The following CDH17 variants were observed in gnomAD, a reference collection of about 807,000 sequenced individuals.
CDH17 encodes cadherin-17.
CDH17 carries 67 observed loss-of-function variants against 86.3 expected under a neutral mutation model. The ratio of observed to expected loss-of-function variants is 0.78; its 90% confidence interval spans 0.64 to 0.95. The LOEUF is 0.95. CDH17 is among the 40% of genes least tolerant of loss of function. The probability of loss-of-function intolerance (pLI) is 0.00; values close to 1 mark genes in which losing one functional copy is unlikely to be tolerated. For synonymous variants in CDH17, 367 were observed against 366.4 expected, an observed-to-expected ratio of 1.00 and a Z score of -0.02; for missense variants, 993 against 1,017.6, an observed-to-expected ratio of 0.98 and a Z score of 0.33.
intron 10 of CDH17, among the ~76,000 whole-genome samples, chr8:94,164,683 T>A (rs1282991797): frequency 6.6e-6 from 1 of 152,196 alleles, no homozygotes; most frequent in Non-Finnish European, 1.5e-5. Context: ...TTGTTTGTTC[T>A]CCATACCTGT....
intron 17 of CDH17, among the ~76,000 whole-genome samples, chr8:94,130,227 C>G (rs1345201213): frequency 2.0e-5 from 3 of 152,182 alleles, no homozygotes; most frequent in Non-Finnish European, 4.4e-5. Flanking sequence ...TAACTTCTGC[C>G]TGTAACAACA....
chr8:94,184,701 G>A (rs1472965745), intron 3 of CDH17, among the ~76,000 whole-genome samples: 1 of 152,058 alleles, frequency 6.6e-6, no homozygotes, highest in African/African-American at 2.4e-5. Context: ...GAATTTTAGA[G>A]GCATGAATTT....
Position 94,151,960 on chromosome 8 carries a change from T to C in CDH17, c.1704A>G (p.Gln568=), listed in dbSNP as rs1167309214. The stretch of plus-strand genomic sequence containing the variant: ...CACTGACTTTCGCTTGGAATACGTG[T>C]TGGGAAAATTGAGGTGCTTCATTCA... The part of the protein sequence containing the change: ...TDVNEAPQFS[Q]HVFQAKVSED... The change falls in exon 13 of 18, where the codon CAA becomes CAG. Residue 568 remains glutamine, a synonymous_variant. Coordinates refer to ENST00000027335, the MANE Select transcript of CDH17 (RefSeq NM_004063.4). 6.2e-6 allele frequency: 10 copies of C among 1,614,176 alleles called. No individual in the cohort carries two copies. The highest frequency in any genetic ancestry group is 1.3e-5 in the African/African-American group (1 of 75,054).
chr8:94,144,408 G>A (rs548702928), intron 15 of CDH17, among the ~76,000 whole-genome samples: 2 of 152,238 alleles, frequency 1.3e-5, no homozygotes, highest in Admixed American at 1.3e-4. Flanking sequence ...AGCACATGCT[G>A]TTGGAAAAAT....
At chr8:94,201,646 T>C (rs1813914481) in intron 1 of CDH17, among the ~76,000 whole-genome samples, 1 of 152,220 alleles carries the variant, frequency 6.6e-6, no homozygotes, top group Admixed American at 6.5e-5. Context: ...ATCTGCTGTT[T>C]AAGCCTCCCG....
At chr8:94,204,925 A>G (rs1813996117) in intron 1 of CDH17, among the ~76,000 whole-genome samples, 1 of 152,154 alleles carries the variant, frequency 6.6e-6, no homozygotes, top group African/African-American at 2.4e-5. Flanking sequence ...CTGTCCCACC[A>G]GGGCACTTGC....
intron 5 of CDH17, among the ~76,000 whole-genome samples, 172 bp from the exon 6 acceptor site, chr8:94,174,432 G>C (rs1309668877): frequency 1.3e-5 from 2 of 152,140 alleles, no homozygotes; most frequent in Non-Finnish European, 1.5e-5. Context: ...CCTAAAATAA[G>C]GTTTCTCAAG....
Position 94,130,970 on chromosome 8 carries a change from G to A in CDH17, c.2190C>T (p.Thr730=), listed in dbSNP as rs1485936434. 1.2e-6 allele frequency: 2 copies of A among 1,600,574 alleles called. No homozygotes were observed. The highest frequency in any genetic ancestry group is 2.7e-5 in the African/African-American group (2 of 74,672). ...KINGTHARLS[T]RHTEFEEREY... ...CCCTCTCCTCAAACTCTGTGTGCCT[G>A]GTAGACAGTCGGGCATGAGTACCTG... The change falls in exon 16 of 18, where the codon ACC becomes ACT. Residue 730 remains threonine, a synonymous_variant. Transcript: ENST00000027335.
chr8:94,171,568 A>C (rs1429307423), intron 7 of CDH17, among the ~76,000 whole-genome samples: 2 of 152,186 alleles, frequency 1.3e-5, no homozygotes, highest in Non-Finnish European at 2.9e-5. Flanking sequence ...AAATAAACAC[A>C]AGTAAGACCA....
chr8:94,147,662 C>G (rs780069714), intron 14 of CDH17, among the ~76,000 whole-genome samples: 10 of 152,170 alleles, frequency 6.6e-5, no homozygotes, highest in Non-Finnish European at 1.0e-4. Flanking sequence ...CAAAGAAACT[C>G]TTTTTTAGTT....
intron 5 of CDH17, among the ~76,000 whole-genome samples, chr8:94,175,815 G>A (rs1394552634): frequency 6.6e-6 from 1 of 152,136 alleles, no homozygotes; most frequent in Non-Finnish European, 1.5e-5. Context: ...AGAAGATACA[G>A]GGGAGTAAGC....
At position 94,135,213 on chromosome 8, in the gene CDH17, T is replaced by G. The variant is rs555541365; in HGVS notation, c.2168-4221A>C. On this transcript the variant is annotated intron_variant, in intron 15 of 17. Coordinates refer to ENST00000027335, the MANE Select transcript of CDH17 (RefSeq NM_004063.4). Reference sequence around the variant, plus strand: ...AGCTGAGTTCAAGTCCTGGATATCCTTGTTAACCTTCTGTCTCATTGATAT... The same window carrying G: ...AGCTGAGTTCAAGTCCTGGATATCCGTGTTAACCTTCTGTCTCATTGATAT... 1.6e-4 allele frequency among the ~76,000 whole-genome samples: 24 copies of G among 152,340 alleles called. No individual in the cohort carries two copies. In the Middle Eastern group the frequency reaches 0.01, roughly 65 times the overall value.
Position 94,176,526 on chromosome 8 carries a change from G to A in CDH17, c.424+15C>T, listed in dbSNP as rs1813376881. 6.2e-7 allele frequency: 1 copy of A among 1,612,960 alleles called. No individual in the cohort carries two copies. On this transcript the variant is annotated intron_variant, in intron 5 of 17. Coordinates refer to ENST00000027335, the MANE Select transcript of CDH17 (RefSeq NM_004063.4). ...TTCCATCTTTCCATAAATATCTCTGGCCCCTGCCTGTTACCTGGGCGAGAG... is the reference window on the plus strand; with the variant it reads ...TTCCATCTTTCCATAAATATCTCTGACCCCTGCCTGTTACCTGGGCGAGAG...
intron 10 of CDH17, among the ~76,000 whole-genome samples, chr8:94,165,000 C>T (rs1813125404): frequency 6.6e-6 from 1 of 152,210 alleles, no homozygotes; most frequent in Admixed American, 6.5e-5. Context: ...CAACTAGAAG[C>T]TGTTAGGGTA....
Position 94,170,713 on chromosome 8 carries a change from C to G in CDH17, c.915+141G>C. ...TGGGTCAGAATTATGTGAAAATTAT[C>G]ATGTCTTTGAAAACCAATAATATGC... On this transcript the variant is annotated intron_variant, in intron 8 of 17. Coordinates refer to ENST00000027335, the MANE Select transcript of CDH17 (RefSeq NM_004063.4). The G allele has an allele frequency of 6.7e-6, 9 of 1,340,100 alleles. No individual in the cohort carries two copies. The South Asian group carries it at 1.2e-4, about 17-fold the overall frequency. The allele number at this position is 1,340,100 out of a possible 1,614,324, so 83.0% of individuals were successfully genotyped here. A position where few individuals can be genotyped will look rare whatever the true frequency, so the allele number is the denominator to read the frequency against.
chr8:94,177,217 G>A (rs985932769), intron 4 of CDH17, among the ~76,000 whole-genome samples: 4 of 152,070 alleles, frequency 2.6e-5, no homozygotes, highest in Admixed American at 6.6e-5. Flanking sequence ...TCCCAGCACC[G>A]ATACAGCCTT....
chr8:94,206,802 T>A (rs1286483154), intron 1 of CDH17, among the ~76,000 whole-genome samples: 1 of 152,022 alleles, frequency 6.6e-6, no homozygotes, highest in African/African-American at 2.4e-5. Flanking sequence ...CCATCATGCC[T>A]GGCTAATTTT....
intron 5 of CDH17, among the ~76,000 whole-genome samples, chr8:94,175,469 A>G (rs1360233261): frequency 4.6e-5 from 7 of 152,200 alleles, no homozygotes; most frequent in African/African-American, 1.7e-4. Flanking sequence ...GGGATGATGC[A>G]AATGGCCCCA....
At chr8:94,194,348 C>T (rs1469531926) in intron 2 of CDH17, among the ~76,000 whole-genome samples, 1 of 152,178 alleles carries the variant, frequency 6.6e-6, no homozygotes, top group Non-Finnish European at 1.5e-5. Context: ...ATTTCAGATT[C>T]CCTGAGCTAT....
Sources: gnomAD v4.1 joint callset for allele counts (sites outside exome capture counted in the v4.1 genomes callset) on GRCh38, gnomAD v4.1.1 for gene constraint, MANE v1.5 for transcripts, NCBI Gene and HGNC (gene_info 2026-07-23, HGNC 2026-07-21) for gene names.